NEK10: variants seen among roughly 807,000 people sequenced by gnomAD.
The protein encoded by NEK10 is NIMA related kinase 10.
In NEK10, 122 loss-of-function variants were observed where a neutral mutation model predicts 159.8. The observed-to-expected ratio is 0.76, with a 90% CI of 0.66 to 0.89. NEK10 has a LOEUF of 0.89. NEK10 is among the 40% of genes least tolerant of loss of function. The probability of loss-of-function intolerance (pLI) is 0.00; values close to 1 mark genes in which losing one functional copy is unlikely to be tolerated. For missense variants in NEK10, 1,342 were observed against 1,323.1 expected (o/e 1.01, Z -0.22); for synonymous variants, 466 against 457.1 (o/e 1.02, Z -0.25).
At chr3:27,232,553 G>GAA (rs200486461) in intron 23 of NEK10, among the ~76,000 whole-genome samples, 3 of 151,384 alleles carry the variant, frequency 2.0e-5, no homozygotes, top group Non-Finnish European at 3.0e-5. Flanking sequence ...CACAGAATTA[G>GAA]AAAAAAAATC....
At chr3:27,112,832 A>G (rs1357239324) in intron 35 of NEK10, among the ~76,000 whole-genome samples, 2 of 152,178 alleles carry the variant, frequency 1.3e-5, no homozygotes, top group Non-Finnish European at 2.9e-5. Context: ...CCTATTGGGG[A>G]AAAATGCAGT....
At chr3:27,297,263 C>T (rs770188093) in intron 13 of NEK10, 23 bp from the exon 14 acceptor site, 14 of 1,534,886 alleles carry the variant, frequency 9.1e-6, no homozygotes, top group Middle Eastern at 3.4e-4. Context: ...CAATCAAATG[C>T]ATAGTGTGCA....
rs150653331 is a variant in NEK10, at chr3:27,172,418, A to G, written c.2777-545T>C. On this transcript the variant is annotated intron_variant, in intron 28 of 35. Transcript: ENST00000691995. ...AAAAAACTAAAAATAGAACTTCTATATGATCCAGCAATCCCACTACTGGTA... is the reference window on the plus strand; with the variant it reads ...AAAAAACTAAAAATAGAACTTCTATGTGATCCAGCAATCCCACTACTGGTA... Among the ~76,000 whole-genome samples, 78 of 151,940 alleles carry G rather than the reference A, an allele frequency of 5.1e-4. 1 individual carries two copies. The highest frequency in any genetic ancestry group is 1.1e-3 in the Admixed American group (17 of 15,246).
intron 30 of NEK10, among the ~76,000 whole-genome samples, chr3:27,143,681 A>G (rs1411413575): frequency 6.6e-6 from 1 of 152,154 alleles, no homozygotes; most frequent in African/African-American, 2.4e-5. Context: ...ATGCCCCTAT[A>G]AAAACAAGCA....
intron 30 of NEK10, among the ~76,000 whole-genome samples, chr3:27,146,833 A>G (rs1306640986): frequency 6.6e-6 from 1 of 152,196 alleles, no homozygotes; most frequent in African/African-American, 2.4e-5. Flanking sequence ...GTGGGTTCTT[A>G]GGAGAAGGAA....
chr3:27,154,415 G>C (rs1945199650), intron 30 of NEK10, among the ~76,000 whole-genome samples: 1 of 152,110 alleles, frequency 6.6e-6, no homozygotes, highest in Non-Finnish European at 1.5e-5. Context: ...CCATAAGATA[G>C]AGAAAGAGGG....
At chr3:27,131,034 C>G (rs925829997) in intron 32 of NEK10, among the ~76,000 whole-genome samples, 1 of 152,222 alleles carries the variant, frequency 6.6e-6, no homozygotes, top group East Asian at 1.9e-4. Flanking sequence ...TATCAAAGAG[C>G]CTATCATATT....
chr3:27,282,862 A>G (rs1470410259), intron 22 of NEK10, among the ~76,000 whole-genome samples: 6 of 151,550 alleles, frequency 4.0e-5, no homozygotes, highest in Non-Finnish European at 1.5e-5. Context: ...TTCAGGAAAT[A>G]TAAGTTCAAT....
At chr3:27,270,620 C>CAG (rs1157136660) in intron 22 of NEK10, among the ~76,000 whole-genome samples, 5 of 152,288 alleles carry the variant, frequency 3.3e-5, no homozygotes, top group Admixed American at 3.3e-4. Context: ...ACTGAGGCTA[C>CAG]TGAGCTATTC....
intron 1 of NEK10, among the ~76,000 whole-genome samples, chr3:27,354,824 G>A (rs1448070938): frequency 6.6e-6 from 1 of 151,940 alleles, no homozygotes; most frequent in Non-Finnish European, 1.5e-5. Flanking sequence ...TTAGTCCTCA[G>A]AGTTGTCTAA....
At chr3:27,328,469 C>A (rs896805159) in intron 5 of NEK10, among the ~76,000 whole-genome samples, 1 of 152,154 alleles carries the variant, frequency 6.6e-6, no homozygotes, top group African/African-American at 2.4e-5. Context: ...TAGGTCAGAA[C>A]AGCAGAGTAG....
chr3:27,311,093 T>A, intron 8 of NEK10, 77 bp from the exon 9 acceptor site: 1 of 872,218 alleles, frequency 1.1e-6, no homozygotes, highest in Non-Finnish European at 1.9e-6. Flanking sequence ...AGATCTGCAG[T>A]GCATATGGGC....
chr3:27,128,861 G>A (rs1047145608), intron 32 of NEK10, among the ~76,000 whole-genome samples: 1 of 152,042 alleles, frequency 6.6e-6, no homozygotes, highest in Non-Finnish European at 1.5e-5. Context: ...TACAGTTCCT[G>A]CTCTAGACCA....
Position 27,322,162 on chromosome 3 carries a change from A to AT in NEK10, c.447+14dup, listed in dbSNP as rs1346673108. The AT allele has an allele frequency of 2.1e-6, 3 of 1,424,444 alleles. No homozygotes were observed. Among genetic ancestry groups the AT allele is most frequent in the Admixed American group, 2.2e-5 (1 of 45,066 alleles). The allele number at this position is 1,424,444 out of a possible 1,614,324, so 88.2% of individuals were successfully genotyped here. A position where few individuals can be genotyped will look rare whatever the true frequency, so the allele number is the denominator to read the frequency against. On this transcript the variant is annotated intron_variant, in intron 6 of 35. Transcript: ENST00000691995. ...TATAACAAGTAAAAAAAAAAATTGT[A>AT]TTTTTCCAACCAACCTGATAACATG...
chr3:27,286,687 G>A (rs2042642789), intron 20 of NEK10, among the ~76,000 whole-genome samples: 1 of 151,694 alleles, frequency 6.6e-6, no homozygotes, highest in Non-Finnish European at 1.5e-5. Flanking sequence ...ACCGTGCCCG[G>A]CCGCCATTTC....
At chr3:27,184,378 G>C (rs1948417842) in intron 26 of NEK10, among the ~76,000 whole-genome samples, 1 of 152,202 alleles carries the variant, frequency 6.6e-6, no homozygotes, top group Admixed American at 6.5e-5. Context: ...GTAATTTATA[G>C]TGACAGAAAT....
At chr3:27,271,061 TG>T (rs1008819154) in intron 22 of NEK10, among the ~76,000 whole-genome samples, 7 of 152,314 alleles carry the variant, frequency 4.6e-5, no homozygotes, top group African/African-American at 1.7e-4. Context: ...TGTAGACTGA[TG>T]GATACATATC....
chr3:27,145,632 G>C (rs1944227448), intron 30 of NEK10, among the ~76,000 whole-genome samples: 5 of 152,036 alleles, frequency 3.3e-5, no homozygotes. Context: ...GAAACTGGGA[G>C]GTGTTTTACA....
intron 32 of NEK10, among the ~76,000 whole-genome samples, chr3:27,128,571 A>G (rs1942241334): frequency 6.6e-6 from 1 of 152,186 alleles, no homozygotes; most frequent in Admixed American, 6.6e-5. Flanking sequence ...CTTCTTTCCT[A>G]TGTAAACAAT....
Sources: gnomAD v4.1 joint callset for allele counts (sites outside exome capture counted in the v4.1 genomes callset) on GRCh38, gnomAD v4.1.1 for gene constraint, MANE v1.5 for transcripts, NCBI Gene and HGNC (gene_info 2026-07-23, HGNC 2026-07-21) for gene names.